STK32B: variants seen among roughly 807,000 people sequenced by gnomAD.
STK32B encodes serine/threonine-protein kinase 32B.
STK32B carries 43 observed loss-of-function variants against 52.6 expected under a neutral mutation model. The observed-to-expected ratio is 0.82, with a 90% CI of 0.64 to 1.05. STK32B has a LOEUF of 1.05. STK32B is among the 50% of genes least tolerant of loss of function. The pLI, the probability that STK32B is intolerant of heterozygous loss-of-function variation, is 0.00. For synonymous variants in STK32B, 238 were observed against 204.3 expected (o/e 1.17, Z -1.41); for missense variants, 621 against 534.6 (o/e 1.16, Z -1.59).
At chr4:5,156,396 A>G (rs1717848383) in intron 2 of STK32B, among the ~76,000 whole-genome samples, 2 of 152,168 alleles carry the variant, frequency 1.3e-5, no homozygotes, top group African/African-American at 2.4e-5. Context: ...CGCAGAGGTG[A>G]GTTTCTCCCA....
intron 3 of STK32B, among the ~76,000 whole-genome samples, chr4:5,212,360 C>T (rs1249047897): frequency 6.6e-6 from 1 of 152,126 alleles, no homozygotes; most frequent in East Asian, 1.9e-4. Flanking sequence ...AGATGTGACA[C>T]CTCTCAAAAC....
At chr4:5,198,070 C>G (rs113165665) in intron 3 of STK32B, among the ~76,000 whole-genome samples, 1,709 of 152,088 alleles carry the variant, frequency 0.011, 30 homozygotes, top group African/African-American at 0.038. Flanking sequence ...GAAACTACCC[C>G]CTATGATGAA....
At chr4:5,336,255 A>T (rs1442370033) in intron 4 of STK32B, among the ~76,000 whole-genome samples, 1 of 151,522 alleles carries the variant, frequency 6.6e-6, no homozygotes, top group Non-Finnish European at 1.5e-5. Flanking sequence ...TTCAATGGGA[A>T]TGTGACTGAG....
At chr4:5,226,712 A>G (rs1050394243) in intron 3 of STK32B, among the ~76,000 whole-genome samples, 1 of 152,220 alleles carries the variant, frequency 6.6e-6, no homozygotes, top group Non-Finnish European at 1.5e-5. Flanking sequence ...GATATGCCAA[A>G]AAGAAGCCAA....
intron 3 of STK32B, among the ~76,000 whole-genome samples, chr4:5,230,325 G>A (rs111622962): frequency 0.055 from 8,304 of 151,510 alleles, 524 homozygotes; most frequent in African/African-American, 0.15. Context: ...GAGTAGCTGG[G>A]ACTACAGGCG....
intron 6 of STK32B, among the ~76,000 whole-genome samples, chr4:5,424,582 T>C (rs1712926341): frequency 6.6e-6 from 1 of 152,206 alleles, no homozygotes; most frequent in Non-Finnish European, 1.5e-5. Context: ...AGCTGAGAGC[T>C]GAACAGACAT....
Position 5,460,139 on chromosome 4 carries a change from C to T in STK32B, c.820C>T (p.Leu274Phe). ...TKDPESRVSS[L>F]HDIQSVPYLA... ...GGATCCTGAGAGCCGCGTGTCCAGC[C>T]TTCATGACATACAGAGCGTGCCCTA... The change falls in exon 9 of 12, where the codon CTT becomes TTT. Residue 274 changes from leucine (L) to phenylalanine (F), a missense_variant. Physicochemically the swap from Leu to Phe is conservative, Grantham distance 22. Transcript: ENST00000282908. The surrounding 1 kb of genome is among the most constrained non-coding windows in gnomAD (Gnocchi z 4.8). 1.2e-6 allele frequency: 2 copies of T among 1,614,230 alleles called. No homozygotes were observed. Among genetic ancestry groups the T allele is most frequent in the South Asian group, 1.1e-5 (1 of 91,082 alleles).
intron 6 of STK32B, among the ~76,000 whole-genome samples, chr4:5,418,200 C>T (rs1050690956): frequency 2.6e-5 from 4 of 152,206 alleles, no homozygotes; most frequent in African/African-American, 9.6e-5. Flanking sequence ...TAGTTTCATT[C>T]TGTTTTATCA....
rs372583369 is a variant in STK32B at position 5,205,600 on chromosome 4, G to A, written c.260+37150G>A. Reference sequence around the variant, plus strand: ...GTGGCAGATACGGTTTTCCATCTTGGTTGAGCTGTAATTTCAGAGATTTGG... The same window carrying A: ...GTGGCAGATACGGTTTTCCATCTTGATTGAGCTGTAATTTCAGAGATTTGG... On this transcript the variant is annotated intron_variant, in intron 3 of 11. Transcript: ENST00000282908. 2.7e-3 allele frequency among the ~76,000 whole-genome samples: 406 copies of A among 152,214 alleles called. 1 individual carries two copies. Among genetic ancestry groups the A allele is most frequent in the Admixed American group, 4.1e-3 (62 of 15,294 alleles).
rs141199999 is a variant in STK32B, at chr4:5,385,199, G to C, written c.435-13008G>C. ...AGGGAATGGGGGAGAAGAACAGGAG[G>C]GTTTAGATTAAGGCAAGAGGGTGGG... On this transcript the variant is annotated intron_variant, in intron 4 of 11. Coordinates refer to ENST00000282908, the MANE Select transcript of STK32B (RefSeq NM_018401.3). Among the ~76,000 whole-genome samples the C allele has an allele frequency of 2.0e-4, 30 of 152,156 alleles. 1 individual carries two copies. In the East Asian group the frequency reaches 5.8e-3, roughly 30 times the overall value.
chr4:5,486,288 G>A (rs191699814), intron 11 of STK32B, among the ~76,000 whole-genome samples: 11 of 152,252 alleles, frequency 7.2e-5, no homozygotes, highest in Admixed American at 4.6e-4. Flanking sequence ...TGGCAATGGC[G>A]GGCGCCCCAC....
chr4:5,301,745 G>GT (rs139364155), intron 3 of STK32B, among the ~76,000 whole-genome samples: 15 of 121,158 alleles, frequency 1.2e-4, no homozygotes, highest in African/African-American at 5.0e-4. Context: ...AGTTCCATTA[G>GT]CTTTTTTTTT....
chr4:5,477,669 G>A (rs763146423), intron 11 of STK32B, among the ~76,000 whole-genome samples: 1 of 152,188 alleles, frequency 6.6e-6, no homozygotes, highest in Non-Finnish European at 1.5e-5. Flanking sequence ...CCATATGGCA[G>A]TGATCATGAC....
chr4:5,483,171 C>A (rs1360339253), intron 11 of STK32B, among the ~76,000 whole-genome samples: 1 of 151,728 alleles, frequency 6.6e-6, no homozygotes, highest in Non-Finnish European at 1.5e-5. Flanking sequence ...GGTACCAGTT[C>A]CTCCTTGTAC....
intron 3 of STK32B, among the ~76,000 whole-genome samples, chr4:5,196,398 T>A (rs2108770553): frequency 7.0e-6 from 1 of 142,700 alleles, no homozygotes; most frequent in East Asian, 2.2e-4. Flanking sequence ...GTTCTGAACG[T>A]ATGTAAAACC....
At chr4:5,350,877 TAAAAAG>T (rs778967821) in intron 4 of STK32B, among the ~76,000 whole-genome samples, 6 of 151,776 alleles carry the variant, frequency 4.0e-5, no homozygotes, top group Non-Finnish European at 7.4e-5. Context: ...GTCAAAAACT[TAAAAAG>T]AGATAAAGAA....
intron 2 of STK32B, among the ~76,000 whole-genome samples, chr4:5,166,829 A>G (rs1577131081): frequency 6.6e-6 from 1 of 152,116 alleles, no homozygotes; most frequent in African/African-American, 2.4e-5. Flanking sequence ...TGTTGGGAAG[A>G]TTAGCCCATA....
chr4:5,113,864 C>T (rs950606581), intron 1 of STK32B, among the ~76,000 whole-genome samples: 13 of 152,038 alleles, frequency 8.6e-5, no homozygotes, highest in African/African-American at 1.2e-4. Flanking sequence ...CAAGGAGGAC[C>T]GAATCACATC....
chr4:5,190,852 G>A (rs182348442), intron 3 of STK32B, among the ~76,000 whole-genome samples: 2 of 152,154 alleles, frequency 1.3e-5, no homozygotes, highest in Admixed American at 1.3e-4. Context: ...TTATAGATGG[G>A]GAAACTGAGG....
Sources: allele counts gnomAD v4.1 joint callset (sites outside exome capture counted in the v4.1 genomes callset), GRCh38; gene constraint gnomAD v4.1.1; non-coding constraint Gnocchi (gnomAD v3.1); transcripts MANE v1.5; gene names NCBI Gene and HGNC (gene_info 2026-07-23, HGNC 2026-07-21).